GPC6: variants seen among roughly 807,000 people sequenced by gnomAD.
GPC6 encodes the protein glypican 6, also known as glypican-6.
A neutral mutation model predicts 55.2 loss-of-function variants in GPC6; 14 were observed. That is an observed-to-expected ratio of 0.25 (90% CI 0.17 to 0.40). The LOEUF (loss-of-function observed/expected upper bound fraction) is 0.40, where lower values mean the gene tolerates loss of function less well. Among genes scored for constraint, GPC6 ranks in the 10% least tolerant of loss-of-function variants. The pLI, the probability that GPC6 is intolerant of heterozygous loss-of-function variation, is 1.00. For missense variants in GPC6, 641 were observed against 708.5 expected, an observed-to-expected ratio of 0.90 and a Z score of 1.08; for synonymous variants, 278 against 259.6, an observed-to-expected ratio of 1.07 and a Z score of -0.68.
intron 2 of GPC6, among the ~76,000 whole-genome samples, chr13:93,647,242 A>C (rs941478587): frequency 6.6e-6 from 1 of 152,162 alleles, no homozygotes; most frequent in Admixed American, 6.6e-5. Flanking sequence ...TGTGGTTATA[A>C]AATGCATTTT....
At chr13:93,473,002 C>T (rs771748200) in intron 1 of GPC6, among the ~76,000 whole-genome samples, 2 of 152,166 alleles carry the variant, frequency 1.3e-5, no homozygotes, top group Admixed American at 6.5e-5. Flanking sequence ...CTAGTTGACC[C>T]ATCATCTGCT....
At chr13:93,589,266 A>G (rs1252276854) in intron 2 of GPC6, among the ~76,000 whole-genome samples, 1 of 34,258 alleles carries the variant, frequency 2.9e-5, no homozygotes, top group Non-Finnish European at 5.4e-5. Context: ...TTTCCCCAAC[A>G]TTTTCTCAAA....
chr13:93,601,796 TCTC>T (rs1878026346), intron 2 of GPC6, among the ~76,000 whole-genome samples: 1 of 152,228 alleles, frequency 6.6e-6, no homozygotes, highest in African/African-American at 2.4e-5. Context: ...GAGAGAGAAG[TCTC>T]CTCTCTCAAT....
At chr13:94,179,539 T>C (rs1298307022) in intron 4 of GPC6, among the ~76,000 whole-genome samples, 1 of 152,180 alleles carries the variant, frequency 6.6e-6, no homozygotes, top group Admixed American at 6.5e-5. Flanking sequence ...TTCATGTTTT[T>C]CTAGGAGATG....
At chr13:94,169,586 A>G (rs1888488864) in intron 4 of GPC6, among the ~76,000 whole-genome samples, 1 of 152,052 alleles carries the variant, frequency 6.6e-6, no homozygotes. Flanking sequence ...AAATAAACAG[A>G]TGCAAAGAGC....
At chr13:93,666,697 A>C (rs146932169) in intron 2 of GPC6, among the ~76,000 whole-genome samples, 56 of 152,276 alleles carry the variant, frequency 3.7e-4, no homozygotes, top group African/African-American at 1.3e-3. Flanking sequence ...TTTAAAACCA[A>C]ATTTGAAACT....
chr13:93,873,718 A>G (rs1164045676), intron 3 of GPC6, among the ~76,000 whole-genome samples: 5 of 152,008 alleles, frequency 3.3e-5, no homozygotes, highest in African/African-American at 1.2e-4. Context: ...ACAACGTATT[A>G]TTATAAACCA....
intron 2 of GPC6, among the ~76,000 whole-genome samples, chr13:93,767,705 C>T (rs1370553987): frequency 6.6e-6 from 1 of 152,080 alleles, no homozygotes; most frequent in Non-Finnish European, 1.5e-5. Context: ...AACCGATTAC[C>T]ATCAAAGAAG....
chr13:94,354,746 G>C (rs1260265336), intron 6 of GPC6, among the ~76,000 whole-genome samples: 1 of 152,232 alleles, frequency 6.6e-6, no homozygotes, highest in Non-Finnish European at 1.5e-5. Context: ...CTTCAGACCT[G>C]AGACTGCTCT....
chr13:93,240,982 T>A (rs1306095116), intron 1 of GPC6, among the ~76,000 whole-genome samples: 1 of 152,204 alleles, frequency 6.6e-6, no homozygotes, highest in Non-Finnish European at 1.5e-5. Flanking sequence ...CCCCTCTGGC[T>A]TGTGAGTTTT....
intron 1 of GPC6, among the ~76,000 whole-genome samples, chr13:93,358,989 GT>G (rs1555293629): frequency 7.3e-5 from 4 of 55,038 alleles, no homozygotes; most frequent in East Asian, 1.9e-3. Flanking sequence ...TTTTTTTTTT[GT>G]TTTTTTTTTC....
At chr13:94,240,624 TAAATAAAATAAAATA>T (rs147988812) in intron 4 of GPC6, among the ~76,000 whole-genome samples, 32 of 149,626 alleles carry the variant, frequency 2.1e-4, no homozygotes, top group Admixed American at 2.7e-4. Flanking sequence ...AGACAGAAAG[TAAATAAAATAAAATA>T]AAATAAAATA....
chr13:93,880,446 T>A (rs1874887625), intron 3 of GPC6, among the ~76,000 whole-genome samples: 2 of 152,112 alleles, frequency 1.3e-5, no homozygotes, highest in Non-Finnish European at 2.9e-5. Context: ...ATCATCATTC[T>A]CAGCAAACTA....
At chr13:93,307,816 G>A (rs937871143) in intron 1 of GPC6, among the ~76,000 whole-genome samples, 1 of 152,102 alleles carries the variant, frequency 6.6e-6, no homozygotes, top group African/African-American at 2.4e-5. Flanking sequence ...CTTGAAAAAT[G>A]CCAAGAGAGT....
intron 2 of GPC6, among the ~76,000 whole-genome samples, chr13:93,652,070 A>G (rs1880444220): frequency 1.3e-5 from 2 of 152,202 alleles, no homozygotes; most frequent in African/African-American, 4.8e-5. Flanking sequence ...ACCATATAGA[A>G]GTCCTAATTG....
intron 1 of GPC6, among the ~76,000 whole-genome samples, chr13:93,533,952 T>G (rs1000860250): frequency 6.6e-5 from 10 of 151,980 alleles, no homozygotes; most frequent in Admixed American, 2.0e-4. Flanking sequence ...TGGGAAGCAA[T>G]GTTCAAACAG....
chr13:94,055,803 A>G (rs1884112363), intron 4 of GPC6, among the ~76,000 whole-genome samples: 2 of 152,188 alleles, frequency 1.3e-5, no homozygotes, highest in Admixed American at 1.3e-4. Flanking sequence ...CCTAAAAAAA[A>G]CAAAAAGTAA....
intron 2 of GPC6, among the ~76,000 whole-genome samples, chr13:93,744,329 T>C (rs1005257249): frequency 1.3e-5 from 2 of 152,084 alleles, no homozygotes; most frequent in African/African-American, 4.8e-5. Context: ...TCTCTACCCA[T>C]GAACTGCTGC....
chr13:94,003,198 A>G (rs181600095), intron 3 of GPC6, among the ~76,000 whole-genome samples: 1 of 152,332 alleles, frequency 6.6e-6, no homozygotes, highest in Admixed American at 6.5e-5. Context: ...TCAATAAAGT[A>G]TAATTGGAAC....
Sources: allele counts gnomAD v4.1 joint callset (sites outside exome capture counted in the v4.1 genomes callset), GRCh38; gene constraint gnomAD v4.1.1; transcripts MANE v1.5; gene names NCBI Gene and HGNC (gene_info 2026-07-23, HGNC 2026-07-21).